Variants in RFC1 observed in about 807,000 individuals in gnomAD.
RFC1 encodes A1 140 kDa subunit.
A neutral mutation model predicts 137.4 loss-of-function variants in RFC1; 37 were observed. That is an observed-to-expected ratio of 0.27 (90% confidence interval 0.21 to 0.35). The LOEUF is 0.35. RFC1 is among the 10% of genes least tolerant of loss of function. The pLI, the probability that RFC1 is intolerant of heterozygous loss-of-function variation, is 1.00. For synonymous variants in RFC1, 429 were observed against 455.7 expected (o/e 0.94, Z 0.75); for missense variants, 1,205 against 1,358.5 (o/e 0.89, Z 1.78).
At chr4:39,363,987 G>A (rs1418520712) in intron 1 of RFC1, among the ~76,000 whole-genome samples, 8 of 150,444 alleles carry the variant, frequency 5.3e-5, no homozygotes, top group Non-Finnish European at 1.0e-4. Context: ...GGCCAGGGTG[G>A]AAGGATCGCT....
intron 19 of RFC1, 111 bp from the exon 20 acceptor site, chr4:39,300,525 G>T: frequency 2.5e-6 from 2 of 801,502 alleles, no homozygotes; most frequent in Non-Finnish European, 4.1e-6. Context: ...TTGCTGGTGG[G>T]AATGCAAAAC....
intron 9 of RFC1, among the ~76,000 whole-genome samples, chr4:39,319,335 A>G (rs1174124360): frequency 3.9e-5 from 6 of 152,200 alleles, no homozygotes; most frequent in Non-Finnish European, 8.8e-5. Context: ...GCTTCAGAGG[A>G]CCTGAGTTCA....
chr4:39,298,116 C>G (rs111509251), intron 21 of RFC1, among the ~76,000 whole-genome samples: 2,487 of 152,230 alleles, frequency 0.016, 56 homozygotes, highest in African/African-American at 0.057. Flanking sequence ...CAAGACCAGC[C>G]TGGCCAACAT....
Position 39,342,534 on chromosome 4 carries a change from G to GCCA in RFC1, c.209-68_209-67insTGG, listed in dbSNP as rs1578156614. The GCCA allele has an allele frequency of 8.0e-6, 12 of 1,491,602 alleles. No homozygotes were observed. In the East Asian group the frequency reaches 2.8e-4, roughly 35 times the overall value. 92.4% of individuals were successfully genotyped at this position (1,491,602 alleles called of 1,614,324 possible). On this transcript the variant is annotated intron_variant, in intron 3 of 24. Transcript: ENST00000349703. ...TATTATAATATAGTGCATGTTTAAA[G>GCCA]TAGTCACGGTGAACCAATTCCTCAA...
Position 39,345,198 on chromosome 4 carries a change from A to G in RFC1, c.208+203T>C, listed in dbSNP as rs568338010. Among the ~76,000 whole-genome samples the G allele has an allele frequency of 3.3e-5, 5 of 152,160 alleles. No homozygotes were observed. The East Asian group carries it at 9.7e-4, about 29-fold the overall frequency. ...CCCAGCTAATTTTTGTATTTTTAACAGAGAAGGGGTTTCACCATGTTGGCC... is the reference window on the plus strand; with the variant it reads ...CCCAGCTAATTTTTGTATTTTTAACGGAGAAGGGGTTTCACCATGTTGGCC... On this transcript the variant is annotated intron_variant, in intron 3 of 24. Coordinates refer to ENST00000349703, the MANE Select transcript of RFC1 (RefSeq NM_002913.5).
At chr4:39,298,593 G>A (rs149490053) in intron 21 of RFC1, among the ~76,000 whole-genome samples, 12 of 152,202 alleles carry the variant, frequency 7.9e-5, no homozygotes, top group East Asian at 3.9e-4. Context: ...AAGAAAATCC[G>A]AATGAATGCA....
intron 4 of RFC1, among the ~76,000 whole-genome samples, chr4:39,330,020 T>A (rs909146182): frequency 6.6e-6 from 1 of 151,562 alleles, no homozygotes; most frequent in Non-Finnish European, 1.5e-5. Flanking sequence ...GGCGACAGAG[T>A]GAGACTCCCT....
chr4:39,306,517 T>G, intron 14 of RFC1, 75 bp downstream of exon 14: 1 of 768,430 alleles, frequency 1.3e-6, no homozygotes, highest in South Asian at 1.5e-5. Flanking sequence ...CGCACAGATG[T>G]GGGTACACAC....
At chr4:39,356,046 T>C (rs1268368489) in intron 1 of RFC1, 1 of 143,594 alleles carries the variant, frequency 7.0e-6, no homozygotes, top group South Asian at 2.3e-4. Context: ...TGGAAGGCAA[T>C]CTAGCCACAC....
chr4:39,302,357 A>G lies in RFC1; in HGVS notation c.2456T>C (p.Met819Thr). The change falls in exon 19 of 25, where the codon ATG becomes ACG. Residue 819 changes from methionine to threonine, a missense_variant. This residue lies in a region of RFC1 where 962 missense variants were observed against 1,035.3 expected (regional missense o/e 0.93). Coordinates refer to ENST00000349703, the MANE Select transcript of RFC1 (RefSeq NM_002913.5). ...DIRQVLHNLS[M>T]WCARSKALTY... is the part of the protein sequence containing the mutation. Reference sequence around the variant, plus strand: ...TAATGCTTTACTTCGTGCACACCACATACTCAGATTATGTAAAACCTAAAA... The same window carrying G: ...TAATGCTTTACTTCGTGCACACCACGTACTCAGATTATGTAAAACCTAAAA... 1.2e-6 allele frequency: 2 copies of G among 1,612,930 alleles called. No individual in the cohort carries two copies. The highest frequency in any genetic ancestry group is 1.7e-6 in the Non-Finnish European group (2 of 1,178,890).
chr4:39,341,364 A>G (rs1740596169), intron 4 of RFC1: 11 of 338,880 alleles, frequency 3.2e-5, no homozygotes. Context: ...TCGTTTACAC[A>G]GTGTGCCTGG....
chr4:39,302,027 A>G (rs1236317639), intron 19 of RFC1, among the ~76,000 whole-genome samples: 2 of 152,246 alleles, frequency 1.3e-5, no homozygotes, highest in African/African-American at 2.4e-5. Context: ...AAGCCATTTT[A>G]TAATTGTTGA....
chr4:39,323,794 C>A (rs1374264984), intron 6 of RFC1, among the ~76,000 whole-genome samples: 1 of 152,108 alleles, frequency 6.6e-6, no homozygotes, highest in South Asian at 2.1e-4. Flanking sequence ...TAGGAAAACA[C>A]AATCATCTGG....
At chr4:39,309,053 G>A in intron 12 of RFC1, 21 bp from the exon 13 acceptor site, 1 of 1,566,996 alleles carries the variant, frequency 6.4e-7, no homozygotes, top group Non-Finnish European at 8.6e-7. Context: ...GGAAAAATGA[G>A]GAAAAAAGAA....
intron 22 of RFC1, among the ~76,000 whole-genome samples, 161 bp downstream of exon 22, chr4:39,295,453 C>T (rs865978274): frequency 1.3e-5 from 2 of 152,158 alleles, no homozygotes; most frequent in Admixed American, 6.5e-5. Flanking sequence ...GATGATAAAA[C>T]TCAGGCCCAT....
chr4:39,351,887 C>T (rs1741224617), intron 1 of RFC1, among the ~76,000 whole-genome samples: 1 of 149,770 alleles, frequency 6.7e-6, no homozygotes, highest in African/African-American at 2.5e-5. Context: ...TGCTTGAACC[C>T]AGGAGGCAGA....
Position 39,302,481 on chromosome 4 carries a change from T to A in RFC1, c.2436+19A>T. 1 of 1,532,260 alleles carries A rather than the reference T, an allele frequency of 6.5e-7. No homozygotes were observed. Among genetic ancestry groups the A allele is most frequent in the Non-Finnish European group, 9.0e-7 (1 of 1,106,466 alleles). 94.9% of individuals were successfully genotyped at this position (1,532,260 alleles called of 1,614,324 possible). A position where few individuals can be genotyped will look rare whatever the true frequency, so the allele number is the denominator to read the frequency against. On this transcript the variant is annotated intron_variant, in intron 18 of 24. Transcript: ENST00000349703. ...TTAAAAATAATCAACAACTGTTACA[T>A]GATATATATTTAATTTACCTGTCTG...
chr4:39,339,851 G>A (rs1740531013), intron 4 of RFC1, among the ~76,000 whole-genome samples: 1 of 151,978 alleles, frequency 6.6e-6, no homozygotes, highest in African/African-American at 2.4e-5. Context: ...ACATAAGTGG[G>A]CCAAATATCA....
Position 39,345,486 on chromosome 4 carries a change from T to C in RFC1, c.133-10A>G. ...TACGGGAGCTATTTACCTATAAACA[T>C]CACAATATAATTAGAACATAAAGAA... On this transcript the variant is annotated splice_polypyrimidine_tract_variant and intron_variant, in intron 2 of 24. Coordinates refer to ENST00000349703, the MANE Select transcript of RFC1 (RefSeq NM_002913.5). 6.3e-7 allele frequency: 1 copy of C among 1,599,100 alleles called. No individual in the cohort carries two copies. The highest frequency in any genetic ancestry group is 8.5e-7 in the Non-Finnish European group (1 of 1,170,150).
Sources: allele counts gnomAD v4.1 joint callset (sites outside exome capture counted in the v4.1 genomes callset), GRCh38; gene constraint gnomAD v4.1.1; regional missense constraint gnomAD v4.1.1; transcripts MANE v1.5; gene names NCBI Gene and HGNC (gene_info 2026-07-23, HGNC 2026-07-21).